The following NNMT variants were observed in gnomAD, a reference collection of about 807,000 sequenced individuals.
The protein encoded by NNMT is nicotinamide N-methyltransferase.
In NNMT, 10 loss-of-function variants were observed where a neutral mutation model predicts 11.7. The observed-to-expected ratio is 0.85, with a 90% confidence interval of 0.53 to 1.45. NNMT has a LOEUF of 1.45. Ranked by LOEUF, NNMT falls within the 40% of genes most tolerant of loss-of-function variation. The pLI is 0.00. For missense variants in NNMT, 381 were observed against 319.4 expected (o/e 1.19, Z -1.47); for synonymous variants, 143 against 133.8 (o/e 1.07, Z -0.48).
intron 2 of NNMT, among the ~76,000 whole-genome samples, chr11:114,286,760 T>C (rs1397097267): frequency 2.0e-5 from 3 of 152,234 alleles, no homozygotes; most frequent in Non-Finnish European, 4.4e-5. Context: ...CATGTTTATG[T>C]GCCAGATTTT....
At chr11:114,288,758 A>C (rs1945315772) in intron 2 of NNMT, among the ~76,000 whole-genome samples, 4 of 152,170 alleles carry the variant, frequency 2.6e-5, no homozygotes, top group Non-Finnish European at 5.9e-5. Flanking sequence ...AATTTTAGTA[A>C]TATGTCCAAA....
At chr11:114,292,058 T>C (rs1036693292), upstream of NNMT, among the ~76,000 whole-genome samples, 25 of 152,328 alleles carry the variant, frequency 1.6e-4, no homozygotes, top group East Asian at 4.8e-3. Flanking sequence ...CTATGCTCGA[T>C]GTCTCTTAGC....
intron 2 of NNMT, among the ~76,000 whole-genome samples, chr11:114,310,706 AC>A (rs1181638832): frequency 1.3e-5 from 2 of 152,324 alleles, no homozygotes; most frequent in African/African-American, 4.8e-5. Context: ...GATCTGCTCC[AC>A]AATGCTTTGC....
At position 114,296,489 on chromosome 11, in the gene NNMT, G is replaced by T; in HGVS notation, c.-68G>T. 1 of 1,549,688 alleles carries T rather than the reference G, an allele frequency of 6.5e-7. No individual in the cohort carries two copies. On this transcript the variant is annotated 5_prime_UTR_variant, in exon 1 of 3. Coordinates refer to ENST00000299964, the MANE Select transcript of NNMT (RefSeq NM_006169.3). ...AGACTCAGGAAGACAACTTCTGCAG[G>T]GTCACTCCCTGGCTTCTGGAGGAAA...
rs561702904 is a variant in NNMT, at chr11:114,310,375, A to G, written c.363-1670A>G. On this transcript the variant is annotated intron_variant, in intron 2 of 2. Coordinates refer to ENST00000299964, the MANE Select transcript of NNMT (RefSeq NM_006169.3). ...GACTGACAATGTTGAGCATCTTTTCATCTGCTAATTGCTAAGCTCCTTAAA... is the reference window on the plus strand; with the variant it reads ...GACTGACAATGTTGAGCATCTTTTCGTCTGCTAATTGCTAAGCTCCTTAAA... Among the ~76,000 whole-genome samples the G allele has an allele frequency of 9.2e-5, 14 of 152,318 alleles. No homozygotes were observed. The South Asian group carries it at 2.9e-3, about 32-fold the overall frequency.
At chr11:114,293,994 G>A (rs929312533), upstream of NNMT, among the ~76,000 whole-genome samples, 2 of 152,162 alleles carry the variant, frequency 1.3e-5, no homozygotes, top group Admixed American at 6.5e-5. Context: ...TAACATGGAT[G>A]GAACTGGAGG....
At chr11:114,303,782 T>A (rs945118658) in intron 2 of NNMT, among the ~76,000 whole-genome samples, 3 of 152,132 alleles carry the variant, frequency 2.0e-5, no homozygotes, top group African/African-American at 7.2e-5. Context: ...AGTGGTGAGA[T>A]CTCACTGTAG....
chr11:114,282,668 C>G (rs1945270550), intron 2 of NNMT, among the ~76,000 whole-genome samples: 1 of 152,136 alleles, frequency 6.6e-6, no homozygotes, highest in African/African-American at 2.4e-5. Context: ...CCTCAAAACC[C>G]TCGCATTCCA....
intron 2 of NNMT, among the ~76,000 whole-genome samples, chr11:114,270,015 C>A (rs1945157620): frequency 6.6e-6 from 1 of 151,728 alleles, no homozygotes; most frequent in East Asian, 1.9e-4. Flanking sequence ...TTGGTTTCTT[C>A]TTTGGTCCAA....
intron 2 of NNMT, among the ~76,000 whole-genome samples, chr11:114,307,739 G>A (rs7926341): frequency 0.014 from 2,161 of 152,042 alleles, 54 homozygotes; most frequent in African/African-American, 0.047. Context: ...CTGCCACCAC[G>A]TGGCCTTTGC....
intron 2 of NNMT, among the ~76,000 whole-genome samples, chr11:114,306,270 T>C (rs1468638266): frequency 6.6e-6 from 1 of 152,308 alleles, no homozygotes; most frequent in Admixed American, 6.5e-5. Context: ...GATGGGTAGA[T>C]TGTAAAATTT....
At chr11:114,309,914 C>A (rs1410931261) in intron 2 of NNMT, among the ~76,000 whole-genome samples, 1 of 152,084 alleles carries the variant, frequency 6.6e-6, no homozygotes, top group Non-Finnish European at 1.5e-5. Context: ...TTTCATTTAG[C>A]CTGTGTCTAG....
chr11:114,268,483 A>C (rs7105175), intron 2 of NNMT, among the ~76,000 whole-genome samples: 1 of 151,880 alleles, frequency 6.6e-6, no homozygotes, highest in South Asian at 2.1e-4. Flanking sequence ...AAAATATACT[A>C]CAACAGACCA....
chr11:114,273,363 T>A (rs1222896319), intron 2 of NNMT, among the ~76,000 whole-genome samples: 1 of 152,200 alleles, frequency 6.6e-6, no homozygotes, highest in Non-Finnish European at 1.5e-5. Context: ...ACTGCCTTGT[T>A]CATTTTGGAA....
At chr11:114,281,273 G>A (rs1945261179) in intron 2 of NNMT, among the ~76,000 whole-genome samples, 1 of 152,128 alleles carries the variant, frequency 6.6e-6, no homozygotes, top group Admixed American at 6.6e-5. Context: ...GCCAATCCGT[G>A]CGTTAGGGCC....
chr11:114,312,237 C>G lies in NNMT; in HGVS notation c.555C>G (p.Ser185Arg), dbSNP rs1188130715. The G allele has an allele frequency of 6.2e-7, 1 of 1,614,094 alleles. No homozygotes were observed. The highest frequency in any genetic ancestry group is 1.3e-5 in the African/African-American group (1 of 74,948). Residue 185 changes from serine (S) to arginine (R), a missense_variant, in exon 3 of 3, where the codon AGC becomes AGG. By Grantham distance (110) the Ser-to-Arg change is moderately radical. Transcript: ENST00000299964. ...GCAGGGCGCTCAGGAACCTCGGCAG[C>G]CTACTGAAGCCAGGGGGCTTCCTGG... ...TYCRALRNLG[S>R]LLKPGGFLVI...
intron 1 of NNMT, chr11:114,257,886 A>C (rs1020382818): frequency 6.5e-6 from 1 of 152,860 alleles, no homozygotes; most frequent in Non-Finnish European, 1.5e-5. Flanking sequence ...GAGGTGAGTG[A>C]ATAGGGGCTG....
intron 2 of NNMT, among the ~76,000 whole-genome samples, chr11:114,279,027 C>T (rs539802964): frequency 1.2e-4 from 19 of 152,254 alleles, no homozygotes; most frequent in Admixed American, 3.9e-4. Flanking sequence ...CCACCCAGGA[C>T]GAGGGTGTGT....
intron 2 of NNMT, among the ~76,000 whole-genome samples, chr11:114,290,328 T>C (rs1459300252): frequency 3.3e-5 from 5 of 152,252 alleles, no homozygotes; most frequent in Non-Finnish European, 7.3e-5. Flanking sequence ...CTTAAAGAGC[T>C]GTTTCTTTTT....
Sources: gnomAD v4.1 joint callset for allele counts (sites outside exome capture counted in the v4.1 genomes callset) on GRCh38, gnomAD v4.1.1 for gene constraint, MANE v1.5 for transcripts, NCBI Gene and HGNC (gene_info 2026-07-23, HGNC 2026-07-21) for gene names.